The following AUTS2 variants were observed in gnomAD, a reference collection of about 807,000 sequenced individuals.
The protein encoded by AUTS2 is activator of transcription and developmental regulator AUTS2.
In AUTS2, 17 loss-of-function variants were observed where a neutral mutation model predicts 112.4. The ratio of observed to expected loss-of-function variants is 0.15; its 90% CI spans 0.10 to 0.23. The LOEUF (loss-of-function observed/expected upper bound fraction) is 0.23. AUTS2 is among the 10% of genes least tolerant of loss of function. The probability of loss-of-function intolerance (pLI) is 1.00; values close to 1 mark genes in which losing one functional copy is unlikely to be tolerated. For synonymous variants in AUTS2, 751 were observed against 702.7 expected, an observed-to-expected ratio of 1.07 and a Z score of -1.09; for missense variants, 1,510 against 1,701.6, an observed-to-expected ratio of 0.89 and a Z score of 1.98.
intron 5 of AUTS2, among the ~76,000 whole-genome samples, chr7:70,453,370 C>T (rs758378909): frequency 6.6e-6 from 1 of 152,186 alleles, no homozygotes; most frequent in Non-Finnish European, 1.5e-5. Context: ...TCTGTCAGTC[C>T]TTCCTAAGCA....
intron 2 of AUTS2, among the ~76,000 whole-genome samples, chr7:69,977,361 A>G (rs1029543611): frequency 6.6e-6 from 1 of 152,104 alleles, no homozygotes; most frequent in Non-Finnish European, 1.5e-5. Context: ...ATATATTTTG[A>G]AATCAGAAAG....
At chr7:69,797,564 C>T (rs1283778596) in intron 1 of AUTS2, among the ~76,000 whole-genome samples, 1 of 152,166 alleles carries the variant, frequency 6.6e-6, no homozygotes, top group African/African-American at 2.4e-5. Context: ...GTCTCTGGGT[C>T]TTGTGAATAG....
chr7:70,617,580 A>G (rs969660350), intron 5 of AUTS2, among the ~76,000 whole-genome samples: 5 of 151,996 alleles, frequency 3.3e-5, no homozygotes, highest in African/African-American at 7.2e-5. Flanking sequence ...GGAGAATGGC[A>G]TGAACCAGGG....
intron 1 of AUTS2, among the ~76,000 whole-genome samples, chr7:69,880,876 G>A (rs771793641): frequency 6.6e-6 from 1 of 152,152 alleles, no homozygotes; most frequent in Non-Finnish European, 1.5e-5. Flanking sequence ...TTGTCAGCCA[G>A]AAGCTCCTCT....
chr7:70,606,714 T>C (rs1341874087), intron 5 of AUTS2, among the ~76,000 whole-genome samples: 3 of 151,700 alleles, frequency 2.0e-5, no homozygotes, highest in Non-Finnish European at 2.9e-5. Context: ...ATTCCAAAAT[T>C]CGCCAGGCGT....
chr7:70,018,060 A>G (rs1387013791), intron 2 of AUTS2, among the ~76,000 whole-genome samples: 2 of 152,008 alleles, frequency 1.3e-5, no homozygotes, highest in Non-Finnish European at 2.9e-5. Context: ...TTTCCGTTTC[A>G]TGAAGCATCC....
intron 1 of AUTS2, among the ~76,000 whole-genome samples, chr7:69,656,645 C>T (rs949161028): frequency 6.6e-6 from 1 of 152,070 alleles, no homozygotes; most frequent in African/African-American, 2.4e-5. Context: ...AGACTGGCTT[C>T]TGGGAGAGGA....
intron 1 of AUTS2, among the ~76,000 whole-genome samples, chr7:69,840,092 C>G (rs1791907590): frequency 1.3e-5 from 2 of 152,176 alleles, no homozygotes; most frequent in African/African-American, 4.8e-5. Context: ...ACTTCACTAA[C>G]TTTTTCCCCC....
chr7:69,791,864 C>T (rs538464947), intron 1 of AUTS2, among the ~76,000 whole-genome samples: 1 of 152,220 alleles, frequency 6.6e-6, no homozygotes, highest in African/African-American at 2.4e-5. Flanking sequence ...GGGTTTGTTT[C>T]CCACAGGTAA....
At chr7:70,774,382 T>C (rs1485892913) in intron 12 of AUTS2, 2 of 389,202 alleles carry the variant, frequency 5.1e-6, no homozygotes, top group Non-Finnish European at 9.2e-6. Context: ...GTATAGTTTT[T>C]ACTTAACCAA....
chr7:70,317,733 C>T lies in AUTS2; in HGVS notation c.661-118019C>T, dbSNP rs752655628. Reference sequence around the variant, plus strand: ...GGCACATTGCCTGACTTAAAGGTACCGAAGGCATGGCCCTGCCTTCAAGGT... The same window carrying T: ...GGCACATTGCCTGACTTAAAGGTACTGAAGGCATGGCCCTGCCTTCAAGGT... On this transcript the variant is annotated intron_variant, in intron 4 of 18. Coordinates refer to ENST00000342771, the MANE Select transcript of AUTS2 (RefSeq NM_015570.4). 1.2e-4 allele frequency among the ~76,000 whole-genome samples: 18 copies of T among 152,122 alleles called. 1 individual carries two copies. Among genetic ancestry groups the T allele is most frequent in the Non-Finnish European group, 2.1e-4 (14 of 68,028 alleles).
At chr7:70,487,136 G>A (rs896590345) in intron 5 of AUTS2, among the ~76,000 whole-genome samples, 2 of 152,118 alleles carry the variant, frequency 1.3e-5, no homozygotes, top group South Asian at 2.1e-4. Flanking sequence ...TTAGTGTGAA[G>A]ACTTCTCCAG....
At chr7:70,317,580 A>C (rs1307247399) in intron 4 of AUTS2, among the ~76,000 whole-genome samples, 1 of 152,176 alleles carries the variant, frequency 6.6e-6, no homozygotes, top group African/African-American at 2.4e-5. Context: ...AGTAAGTGAG[A>C]GACCCAGGAC....
chr7:70,319,715 G>T (rs1790163295), intron 4 of AUTS2, among the ~76,000 whole-genome samples: 3 of 152,146 alleles, frequency 2.0e-5, no homozygotes, highest in Admixed American at 6.5e-5. Flanking sequence ...CACCTTAGGA[G>T]CAAATGTCCT....
At chr7:69,867,023 G>A (rs1191495748) in intron 1 of AUTS2, among the ~76,000 whole-genome samples, 1 of 152,236 alleles carries the variant, frequency 6.6e-6, no homozygotes, top group African/African-American at 2.4e-5. Context: ...AGTCTAGGAG[G>A]CAGAGGTCTT....
chr7:69,939,638 TAA>T (rs888364540), intron 2 of AUTS2, among the ~76,000 whole-genome samples: 2 of 152,198 alleles, frequency 1.3e-5, no homozygotes, highest in Non-Finnish European at 2.9e-5. Context: ...TTATATAATT[TAA>T]AATTACACTC....
At chr7:69,608,690 G>T (rs1167121330) in intron 1 of AUTS2, among the ~76,000 whole-genome samples, 2 of 152,206 alleles carry the variant, frequency 1.3e-5, no homozygotes, top group Non-Finnish European at 2.9e-5. Flanking sequence ...GATAGAAATT[G>T]CAGTGACTTC....
chr7:70,284,739 C>T (rs2129611054), intron 4 of AUTS2, among the ~76,000 whole-genome samples: 1 of 152,206 alleles, frequency 6.6e-6, no homozygotes. Flanking sequence ...GAAGATGAAA[C>T]TGATAGAAAA....
chr7:70,002,643 G>C (rs977932554), intron 2 of AUTS2, among the ~76,000 whole-genome samples: 43 of 152,120 alleles, frequency 2.8e-4, no homozygotes, highest in Non-Finnish European at 5.0e-4. Context: ...TGAGACTTAC[G>C]ATTTTTAGAC....
Sources: gnomAD v4.1 joint callset for allele counts (sites outside exome capture counted in the v4.1 genomes callset) on GRCh38, gnomAD v4.1.1 for gene constraint, MANE v1.5 for transcripts, NCBI Gene and HGNC (gene_info 2026-07-23, HGNC 2026-07-21) for gene names.